Variants in GPATCH1 observed in about 807,000 individuals in gnomAD.
GPATCH1 encodes G patch domain-containing protein 1.
In GPATCH1, 73 loss-of-function variants were observed where a neutral mutation model predicts 114.9. The ratio of observed to expected loss-of-function variants is 0.64; its 90% CI spans 0.53 to 0.77. The LOEUF is 0.77. Among genes scored for constraint, GPATCH1 ranks in the 30% least tolerant of loss-of-function variants. GPATCH1 has a pLI of 0.00. For synonymous variants in GPATCH1, 391 were observed against 428.4 expected (o/e 0.91, Z 1.08); for missense variants, 1,058 against 1,144.3 (o/e 0.92, Z 1.09).
chr19:33,112,806 C>G (rs1972872331), intron 13 of GPATCH1, 193 bp downstream of exon 13: 1 of 461,078 alleles, frequency 2.2e-6, no homozygotes, highest in African/African-American at 2.0e-5. Flanking sequence ...AAAACAAAAT[C>G]TGGATAGCAA....
intron 17 of GPATCH1, among the ~76,000 whole-genome samples, chr19:33,121,320 CT>C (rs534893516): frequency 3.9e-4 from 48 of 124,514 alleles, no homozygotes; most frequent in Middle Eastern, 4.3e-3. Context: ...CTTTTCTTTT[CT>C]TTTTTTTTTT....
intron 13 of GPATCH1, 109 bp downstream of exon 13, chr19:33,112,722 T>A: frequency 1.4e-6 from 1 of 733,262 alleles, no homozygotes; most frequent in Non-Finnish European, 2.2e-6. Context: ...TGAACTTATT[T>A]GCATATCACT....
chr19:33,114,402 G>A lies in GPATCH1; in HGVS notation c.2179G>A (p.Glu727Lys), dbSNP rs769103928. 1 of 1,601,206 alleles carries A rather than the reference G, an allele frequency of 6.2e-7. No homozygotes were observed. Residue 727 changes from glutamate to lysine, a missense_variant, in exon 15 of 20, where the codon GAA becomes AAA. Physicochemically the swap from Glu to Lys is moderately conservative, Grantham distance 56. Coordinates refer to ENST00000170564, the MANE Select transcript of GPATCH1 (RefSeq NM_018025.3). The part of the protein sequence containing the change: ...LVNKEEEHAP[E>K]LSANQTVNKD... ...AAACAAAGAGGAAGAGCATGCACCAGAATTATCCGCAAATCAGGTATTTGG... is the reference window on the plus strand; with the variant it reads ...AAACAAAGAGGAAGAGCATGCACCAAAATTATCCGCAAATCAGGTATTTGG...
At chr19:33,084,496 T>G (rs1038414961) in intron 1 of GPATCH1, among the ~76,000 whole-genome samples, 13 of 152,218 alleles carry the variant, frequency 8.5e-5, no homozygotes, top group Admixed American at 3.9e-4. Flanking sequence ...CTCTCACACT[T>G]AAAACTAACC....
intron 8 of GPATCH1, chr19:33,100,097 T>C (rs1394118158): frequency 6.6e-6 from 1 of 152,034 alleles, no homozygotes; most frequent in African/African-American, 2.4e-5. Flanking sequence ...TTCTCATTTT[T>C]TTTTTCCATG....
intron 13 of GPATCH1, 122 bp from the exon 14 acceptor site, chr19:33,113,645 A>G: frequency 1.4e-6 from 1 of 726,244 alleles, no homozygotes; most frequent in Non-Finnish European, 2.3e-6. Flanking sequence ...TGAGAAGTGA[A>G]AGCATCTTAG....
chr19:33,122,561 G>T (rs1268361649), intron 17 of GPATCH1, among the ~76,000 whole-genome samples: 2 of 151,974 alleles, frequency 1.3e-5, no homozygotes, highest in Non-Finnish European at 2.9e-5. Context: ...CTGAACTTGT[G>T]ATCTGCCCGC....
At chr19:33,111,675 C>G in intron 11 of GPATCH1, 49 bp from the exon 12 acceptor site, 1 of 1,564,266 alleles carries the variant, frequency 6.4e-7, no homozygotes, top group Admixed American at 1.7e-5. Context: ...CTTGTAAGCC[C>G]CATGTTTTCC....
chr19:33,084,501 C>T (rs532248748), intron 1 of GPATCH1, among the ~76,000 whole-genome samples: 2 of 152,112 alleles, frequency 1.3e-5, no homozygotes, highest in African/African-American at 2.4e-5. Flanking sequence ...ACACTTAAAA[C>T]TAACCGTGGC....
chr19:33,114,860 T>G (rs943693022), intron 15 of GPATCH1, among the ~76,000 whole-genome samples: 4 of 139,746 alleles, frequency 2.9e-5, no homozygotes, highest in African/African-American at 1.1e-4. Flanking sequence ...TGGAGTGCAG[T>G]GGCATGATTT....
intron 15 of GPATCH1, among the ~76,000 whole-genome samples, chr19:33,114,917 C>T (rs1972900182): frequency 6.7e-6 from 1 of 148,422 alleles, no homozygotes; most frequent in African/African-American, 2.5e-5. Flanking sequence ...AAGTGATTCT[C>T]CTGCCTCAGC....
intron 7 of GPATCH1, 130 bp downstream of exon 7, chr19:33,096,576 G>A (rs1470438773): frequency 1.4e-6 from 1 of 724,132 alleles, no homozygotes; most frequent in South Asian, 2.1e-5. Flanking sequence ...TCAGGTCAAA[G>A]ATTCTTTCTT....
At chr19:33,124,326 T>A (rs2145340958) in intron 17 of GPATCH1, among the ~76,000 whole-genome samples, 1 of 152,230 alleles carries the variant, frequency 6.6e-6, no homozygotes. Context: ...TTTTAATGAT[T>A]ATATACATTA....
At chr19:33,097,699 A>G in intron 7 of GPATCH1, 56 bp from the exon 8 acceptor site, 1 of 1,521,444 alleles carries the variant, frequency 6.6e-7, no homozygotes, top group Non-Finnish European at 9.1e-7. Context: ...TTATCCCTGA[A>G]GATCCCAGAC....
intron 1 of GPATCH1, among the ~76,000 whole-genome samples, chr19:33,085,038 T>C (rs932644613): frequency 7.2e-5 from 11 of 152,176 alleles, no homozygotes; most frequent in African/African-American, 2.7e-4. Context: ...CTATCAAAAT[T>C]CTGCTTATTC....
intron 16 of GPATCH1, 91 bp downstream of exon 16, chr19:33,118,132 G>A (rs879188563): frequency 2.6e-5 from 20 of 766,774 alleles, no homozygotes; most frequent in East Asian, 1.3e-4. Flanking sequence ...TCTTAAACCC[G>A]AATGATTAGC....
At position 33,093,510 on chromosome 19, in the gene GPATCH1, C is replaced by A; in HGVS notation, c.446C>A (p.Thr149Lys). 1 of 1,611,668 alleles carries A rather than the reference C, an allele frequency of 6.2e-7. No individual in the cohort carries two copies. Among genetic ancestry groups the A allele is most frequent in the Non-Finnish European group, 8.5e-7 (1 of 1,179,068 alleles). ...GCCACCCTCCTTGATGACCTCATAA[C>A]GCCAGCAAAGTGAGCATTTCCTTCT... ...PGATLLDDLI[T>K]PAKLSVGFEL... The change falls in exon 4 of 20, where the codon ACG (threonine) becomes AAG (lysine). Residue 149 changes from threonine (T) to lysine (K), a missense_variant. Transcript: ENST00000170564.
intron 1 of GPATCH1, 44 bp downstream of exon 1, chr19:33,081,310 A>G (rs1343731501): frequency 2.0e-6 from 3 of 1,471,868 alleles, no homozygotes; most frequent in Non-Finnish European, 2.8e-6. Context: ...AAACAGGCCA[A>G]GGGCCCAGGA....
At chr19:33,096,952 C>CT (rs35729995) in intron 7 of GPATCH1, among the ~76,000 whole-genome samples, 25 of 132,146 alleles carry the variant, frequency 1.9e-4, no homozygotes, top group Admixed American at 7.9e-4. Flanking sequence ...TTCTTTCTTT[C>CT]TTTTTTTTTT....
Sources: gnomAD v4.1 joint callset for allele counts (sites outside exome capture counted in the v4.1 genomes callset) on GRCh38, gnomAD v4.1.1 for gene constraint, MANE v1.5 for transcripts, NCBI Gene and HGNC (gene_info 2026-07-23, HGNC 2026-07-21) for gene names.